Variants in PRKN observed in about 807,000 individuals in gnomAD.
PRKN encodes the protein E3 ubiquitin-protein ligase parkin.
Under a neutral mutation model 59.5 loss-of-function variants are expected in PRKN, and 56 were observed. That is an observed-to-expected ratio of 0.94 (90% CI 0.76 to 1.18). The LOEUF (loss-of-function observed/expected upper bound fraction) is 1.18. Among genes scored for constraint, PRKN ranks in the 50% most tolerant of loss-of-function variants. The probability of loss-of-function intolerance (pLI) is 0.00; values close to 1 mark genes in which losing one functional copy is unlikely to be tolerated. For missense variants in PRKN, 657 were observed against 596.4 expected (o/e 1.10, Z -1.06); for synonymous variants, 250 against 222.1 (o/e 1.13, Z -1.12).
At chr6:162,285,549 T>C (rs543745265) in intron 2 of PRKN, among the ~76,000 whole-genome samples, 19 of 150,870 alleles carry the variant, frequency 1.3e-4, no homozygotes, top group African/African-American at 4.2e-4. Context: ...GAAACCAGTA[T>C]AGTGCGTGCT....
intron 9 of PRKN, among the ~76,000 whole-genome samples, chr6:161,465,844 T>C (rs1024424316): frequency 1.3e-5 from 2 of 152,220 alleles, no homozygotes; most frequent in Non-Finnish European, 2.9e-5. Flanking sequence ...GGATTCCAAT[T>C]ACACAGTGTT....
intron 1 of PRKN, among the ~76,000 whole-genome samples, chr6:162,637,265 T>TCCCCCCCCCC (rs1777757196): frequency 3.0e-5 from 1 of 33,584 alleles, no homozygotes; most frequent in Non-Finnish European, 5.5e-5. Context: ...TGCCACCTCC[T>TCCCCCCCCCC]CCCACCCGCC....
chr6:161,424,308 G>T (rs1334332090), intron 9 of PRKN, among the ~76,000 whole-genome samples: 1 of 146,912 alleles, frequency 6.8e-6, no homozygotes, highest in Non-Finnish European at 1.5e-5. Context: ...CTGCACTCTG[G>T]TCTGGGAGAC....
chr6:162,087,649 A>G (rs1408686982), intron 4 of PRKN, among the ~76,000 whole-genome samples: 2 of 132,202 alleles, frequency 1.5e-5, no homozygotes, highest in African/African-American at 2.9e-5. Flanking sequence ...GCTGGAGTGC[A>G]GTGGCGCGAT....
chr6:162,545,395 C>G (rs1289577415), intron 1 of PRKN, among the ~76,000 whole-genome samples: 2 of 152,138 alleles, frequency 1.3e-5, no homozygotes, highest in Non-Finnish European at 2.9e-5. Flanking sequence ...TTTCTGTGAA[C>G]TGCCAGAATT....
chr6:162,448,737 T>C (rs568820080), intron 1 of PRKN, among the ~76,000 whole-genome samples: 2 of 152,262 alleles, frequency 1.3e-5, no homozygotes, highest in East Asian at 3.9e-4. Context: ...TGTAATGCAA[T>C]GGATATGTCA....
At chr6:161,839,200 T>G (rs1222816780) in intron 6 of PRKN, among the ~76,000 whole-genome samples, 1 of 151,782 alleles carries the variant, frequency 6.6e-6, no homozygotes, top group East Asian at 1.9e-4. Context: ...TGAGAAAGAT[T>G]GTACTGGGAA....
intron 9 of PRKN, among the ~76,000 whole-genome samples, chr6:161,412,350 T>C (rs1787612092): frequency 6.9e-6 from 1 of 144,452 alleles, no homozygotes; most frequent in Admixed American, 6.9e-5. Context: ...ACTCATTCCT[T>C]TGTCACTTAT....
At chr6:162,585,956 C>A (rs749799728) in intron 1 of PRKN, among the ~76,000 whole-genome samples, 1 of 152,140 alleles carries the variant, frequency 6.6e-6, no homozygotes, top group Non-Finnish European at 1.5e-5. Context: ...CCACCCGCCT[C>A]GGCCTCCCAA....
chr6:161,859,750 C>G (rs1250791806), intron 6 of PRKN, among the ~76,000 whole-genome samples: 1 of 152,000 alleles, frequency 6.6e-6, no homozygotes, highest in Non-Finnish European at 1.5e-5. Context: ...ATTCCGTCTT[C>G]TTGCATGTCT....
chr6:162,355,002 A>C (rs1294639534), intron 2 of PRKN, among the ~76,000 whole-genome samples: 3 of 152,062 alleles, frequency 2.0e-5, no homozygotes. Flanking sequence ...AAGAATATAC[A>C]TCAACAACAG....
Position 161,576,924 on chromosome 6 carries a change from CATTTACAGAAAGT to C in PRKN, c.872-7521_872-7509del, listed in dbSNP as rs1297897806. Reference sequence around the variant, plus strand: ...CAATCGTTTATGCACAATGCAATGTCATTTACAGAAAGTTTAGAGAATCTATTAAACAATGTCG... The same window carrying C: ...CAATCGTTTATGCACAATGCAATGTCTTAGAGAATCTATTAAACAATGTCG... On this transcript the variant is annotated intron_variant, in intron 7 of 11. Coordinates refer to ENST00000366898, the MANE Select transcript of PRKN (RefSeq NM_004562.3). This position sits in a 1 kb window ranked among gnomAD's most constrained non-coding sequence, Gnocchi z 4.6. Among the ~76,000 whole-genome samples the C allele has an allele frequency of 6.6e-6, 1 of 152,090 alleles. No homozygotes were observed. Among genetic ancestry groups the C allele is most frequent in the Non-Finnish European group, 1.5e-5 (1 of 68,016 alleles).
At chr6:162,723,730 C>T (rs1299149127) in intron 1 of PRKN, among the ~76,000 whole-genome samples, 1 of 152,198 alleles carries the variant, frequency 6.6e-6, no homozygotes, top group African/African-American at 2.4e-5. Context: ...TCTATGCTTA[C>T]ATGTGCAAGT....
At chr6:162,437,374 T>G (rs1326267899) in intron 2 of PRKN, among the ~76,000 whole-genome samples, 1 of 152,178 alleles carries the variant, frequency 6.6e-6, no homozygotes, top group East Asian at 1.9e-4. Context: ...TTCAACTTTA[T>G]ATTAAAATGC....
In PRKN at chr6:161,487,848, C is replaced by T. The variant is rs115270930; in HGVS notation, c.1083+61006G>A. On this transcript the variant is annotated intron_variant, in intron 9 of 11. Transcript: ENST00000366898. This position sits in a 1 kb window ranked among gnomAD's most constrained non-coding sequence, Gnocchi z 5.3. ...GTGAATGAATGAATGGAATTTCCTG[C>T]CCTGCTCCTTGCCTCCCTCCCTTCC... 0.01 allele frequency among the ~76,000 whole-genome samples: 1,538 copies of T among 152,246 alleles called. 29 individuals are homozygous for T. The highest frequency in any genetic ancestry group is 0.035 in the African/African-American group (1,448 of 41,548).
chr6:162,644,320 C>G (rs2128225193), intron 1 of PRKN, among the ~76,000 whole-genome samples: 1 of 152,282 alleles, frequency 6.6e-6, no homozygotes, highest in South Asian at 2.1e-4. Context: ...CACACACCAC[C>G]AGTCCAGACC....
intron 9 of PRKN, among the ~76,000 whole-genome samples, chr6:161,510,192 T>C (rs1778334088): frequency 6.6e-6 from 1 of 152,214 alleles, no homozygotes; most frequent in African/African-American, 2.4e-5. Flanking sequence ...CTCTTTACTC[T>C]CTAATGATGA....
intron 8 of PRKN, among the ~76,000 whole-genome samples, chr6:161,556,493 C>T (rs1342826330): frequency 6.6e-6 from 1 of 152,124 alleles, no homozygotes; most frequent in Non-Finnish European, 1.5e-5. Context: ...AAGTTACCTT[C>T]GAGATATAAT....
chr6:162,590,817 A>G (rs1237433449), intron 1 of PRKN, among the ~76,000 whole-genome samples: 1 of 152,204 alleles, frequency 6.6e-6, no homozygotes, highest in African/African-American at 2.4e-5. Context: ...GCACAGACGC[A>G]ACGTGTCACT....
Sources: allele counts gnomAD v4.1 joint callset (sites outside exome capture counted in the v4.1 genomes callset), GRCh38; gene constraint gnomAD v4.1.1; non-coding constraint Gnocchi (gnomAD v3.1); transcripts MANE v1.5; gene names NCBI Gene and HGNC (gene_info 2026-07-23, HGNC 2026-07-21).